The following ZSWIM6 variants were observed in gnomAD, a reference collection of about 807,000 sequenced individuals.
ZSWIM6 encodes zinc finger SWIM-type containing 6, also known as zinc finger SWIM domain-containing protein 6.
ZSWIM6 carries 9 observed loss-of-function variants against 113.2 expected under a neutral mutation model. That is an observed-to-expected ratio of 0.08 (90% CI 0.05 to 0.14). The LOEUF (loss-of-function observed/expected upper bound fraction) is 0.14. ZSWIM6 is among the 10% of genes least tolerant of loss of function. The pLI, the probability that ZSWIM6 is intolerant of heterozygous loss-of-function variation, is 1.00. For synonymous variants in ZSWIM6, 611 were observed against 606.5 expected, an observed-to-expected ratio of 1.01 and a Z score of -0.11; for missense variants, 1,162 against 1,552.2, an observed-to-expected ratio of 0.75 and a Z score of 4.22.
At chr5:61,504,625 A>C (rs1748552259) in intron 4 of ZSWIM6, among the ~76,000 whole-genome samples, 2 of 152,228 alleles carry the variant, frequency 1.3e-5, no homozygotes, top group Admixed American at 6.5e-5. Context: ...TTCTTACACA[A>C]GTATAGTGCT....
chr5:61,335,667 T>C (rs1427197115), intron 1 of ZSWIM6, among the ~76,000 whole-genome samples: 3 of 152,250 alleles, frequency 2.0e-5, no homozygotes, highest in African/African-American at 7.2e-5. Context: ...ATTACAAGTG[T>C]ACAGAAAGTA....
chr5:61,543,624 G>T lies in ZSWIM6; in HGVS notation c.2955G>T (p.Leu985=). 1 of 1,551,770 alleles carries T rather than the reference G, an allele frequency of 6.4e-7. No homozygotes were observed. The highest frequency in any genetic ancestry group is 8.7e-7 in the Non-Finnish European group (1 of 1,147,020). ...KLASSARTLA[L]QCAMKDPQNC... ...CCAGCAGCGCCCGGACACTTGCACT[G>T]CAGTGTGCCATGAAGGATCCACAGA... The change falls in exon 14 of 14, where the codon CTG becomes CTT. Residue 985 remains leucine, a synonymous_variant. Coordinates refer to ENST00000252744, the MANE Select transcript of ZSWIM6 (RefSeq NM_020928.2). This position sits in a 1 kb window ranked among gnomAD's most constrained non-coding sequence, Gnocchi z 4.3.
chr5:61,468,026 G>A (rs1016604025), intron 1 of ZSWIM6, among the ~76,000 whole-genome samples: 2 of 152,020 alleles, frequency 1.3e-5, no homozygotes, highest in Non-Finnish European at 2.9e-5. Flanking sequence ...GGAAGGAAAG[G>A]GAAATAAAAT....
rs534037657 is a variant in ZSWIM6 at position 61,535,603 on chromosome 5, G to A, written c.2365G>A (p.Ala789Thr). 2.6e-6 allele frequency: 4 copies of A among 1,551,196 alleles called. No individual in the cohort carries two copies. In the Admixed American group the frequency reaches 5.9e-5, roughly 23 times the overall value. The change falls in exon 10 of 14, where the codon GCA becomes ACA. Residue 789 changes from alanine to threonine, a missense_variant. This residue lies in a region of ZSWIM6 where 620 missense variants were observed against 804.6 expected (regional missense o/e 0.77). Coordinates refer to ENST00000252744, the MANE Select transcript of ZSWIM6 (RefSeq NM_020928.2). ...CGATGCTGAATTGGCATACAAAATT[G>A]CACTGAGAGCAATGCGGTATGTATT... ...PHDAELAYKI[A>T]LRAMRLLVLE...
intron 1 of ZSWIM6, among the ~76,000 whole-genome samples, chr5:61,351,340 A>G (rs1475586775): frequency 1.3e-5 from 2 of 152,206 alleles, no homozygotes. Context: ...CTCATCACTT[A>G]GGGTTTAGTT....
intron 1 of ZSWIM6, among the ~76,000 whole-genome samples, chr5:61,395,499 A>G (rs1745818564): frequency 6.6e-6 from 1 of 152,232 alleles, no homozygotes; most frequent in Non-Finnish European, 1.5e-5. Context: ...GCAATATCAG[A>G]GTTAAGATAA....
rs184109772 is a variant in ZSWIM6 at position 61,541,242 on chromosome 5, C to T, written c.2704-642C>T. Among the ~76,000 whole-genome samples, 34 of 152,040 alleles carry T rather than the reference C, an allele frequency of 2.2e-4. 1 individual carries two copies. Among genetic ancestry groups the T allele is most frequent in the African/African-American group, 8.0e-4 (33 of 41,464 alleles). On this transcript the variant is annotated intron_variant, in intron 12 of 13. Transcript: ENST00000252744. ...ACAGGCATGAGCCACCGCACCTGAC[C>T]GTCCCTGGATATTTTGAATCTTTAA...
intron 7 of ZSWIM6, among the ~76,000 whole-genome samples, chr5:61,527,958 T>C (rs930160383): frequency 2.0e-5 from 3 of 152,166 alleles, no homozygotes; most frequent in Non-Finnish European, 2.9e-5. Flanking sequence ...TTGATTGTCT[T>C]TGAGATAATT....
intron 3 of ZSWIM6, among the ~76,000 whole-genome samples, chr5:61,493,845 T>C (rs1748249096): frequency 6.6e-6 from 1 of 152,086 alleles, no homozygotes; most frequent in Non-Finnish European, 1.5e-5. Context: ...TTGGTTTAGA[T>C]AAGAGAGATA....
rs2112134928 is a variant in ZSWIM6 at position 61,430,991 on chromosome 5, T to A, written c.677-41690T>A. Among the ~76,000 whole-genome samples, 3 of 152,330 alleles carry A rather than the reference T, an allele frequency of 2.0e-5. No individual in the cohort carries two copies. In the South Asian group the frequency reaches 6.2e-4, roughly 32 times the overall value. On this transcript the variant is annotated intron_variant, in intron 1 of 13. Transcript: ENST00000252744. ...AGACAGTATTAAATAGGGAGTATAC[T>A]CTATACAGTCATTACTGGTGTTGGG...
rs1005564444 is a variant in ZSWIM6, at chr5:61,344,948, A to G, written c.676+12000A>G. Among the ~76,000 whole-genome samples the G allele has an allele frequency of 1.1e-4, 16 of 152,252 alleles. 1 individual carries two copies. Among genetic ancestry groups the G allele is most frequent in the Admixed American group, 5.9e-4 (9 of 15,282 alleles). Reference sequence around the variant, plus strand: ...AAGTGATTGATCTTTAATAGTAGCCATACATAAATCTTGGAATATGTAATG... The same window carrying G: ...AAGTGATTGATCTTTAATAGTAGCCGTACATAAATCTTGGAATATGTAATG... On this transcript the variant is annotated intron_variant, in intron 1 of 13. Transcript: ENST00000252744.
At chr5:61,535,184 A>C (rs941156485) in intron 9 of ZSWIM6, among the ~76,000 whole-genome samples, 3 of 152,162 alleles carry the variant, frequency 2.0e-5, no homozygotes, top group Non-Finnish European at 1.5e-5. Flanking sequence ...GCAAGGTTTT[A>C]CGCTATAGAG....
At position 61,538,900 on chromosome 5, in the gene ZSWIM6, G is replaced by A. The variant is rs1022740420; in HGVS notation, c.2468G>A (p.Arg823His). Residue 823 changes from arginine to histidine, a missense_variant, in exon 11 of 14, where the codon CGC (arginine) becomes CAC (histidine). Coordinates refer to ENST00000252744, the MANE Select transcript of ZSWIM6 (RefSeq NM_020928.2). ...TCAGTTGTTCCCAACCGCTACCCTC[G>A]CTGGTTCACTCTAAGCCACATTGAG... ...IASVVPNRYP[R>H]WFTLSHIESQ... is the part of the protein sequence containing the mutation. 9.0e-6 allele frequency: 14 copies of A among 1,552,198 alleles called. No individual in the cohort carries two copies. In the African/African-American group the frequency reaches 1.1e-4, roughly 12 times the overall value.
At chr5:61,399,999 G>C (rs758563443) in intron 1 of ZSWIM6, among the ~76,000 whole-genome samples, 1 of 152,128 alleles carries the variant, frequency 6.6e-6, no homozygotes, top group Non-Finnish European at 1.5e-5. Flanking sequence ...CACAGGGTTG[G>C]AAGTAGCTTT....
chr5:61,516,992 C>T (rs911696641), intron 4 of ZSWIM6, among the ~76,000 whole-genome samples: 1 of 152,010 alleles, frequency 6.6e-6, no homozygotes, highest in African/African-American at 2.4e-5. Flanking sequence ...TATTCTGTTT[C>T]CTGATGAGAA....
At chr5:61,496,745 C>T (rs935136131) in intron 4 of ZSWIM6, among the ~76,000 whole-genome samples, 13 of 152,190 alleles carry the variant, frequency 8.5e-5, no homozygotes, top group African/African-American at 2.6e-4. Flanking sequence ...ACTCCAACAC[C>T]GCGCCATTAC....
At chr5:61,335,204 G>A (rs1744367926) in intron 1 of ZSWIM6, among the ~76,000 whole-genome samples, 1 of 152,236 alleles carries the variant, frequency 6.6e-6, no homozygotes, top group Non-Finnish European at 1.5e-5. Flanking sequence ...TGGTTGACGT[G>A]AAGTGGTGTG....
chr5:61,390,981 C>G lies in ZSWIM6; in HGVS notation c.676+58033C>G, dbSNP rs1247928165. The G allele has an allele frequency of 2.4e-5, 18 of 756,156 alleles. No homozygotes were observed. In the Admixed American group the frequency reaches 2.9e-4, roughly 12 times the overall value. 46.8% of individuals were successfully genotyped at this position (756,156 alleles called of 1,614,324 possible). A position where few individuals can be genotyped will look rare whatever the true frequency, so the allele number is the denominator to read the frequency against. On this transcript the variant is annotated intron_variant, in intron 1 of 13. Transcript: ENST00000252744. Reference sequence around the variant, plus strand: ...AGTCAGTGGAGGCATTGTTCTTGATCAGTTTGCTGTCCCTGACAAAGTATC... The same window carrying G: ...AGTCAGTGGAGGCATTGTTCTTGATGAGTTTGCTGTCCCTGACAAAGTATC...
chr5:61,535,126 C>T (rs1402286557), intron 9 of ZSWIM6, among the ~76,000 whole-genome samples: 4 of 152,264 alleles, frequency 2.6e-5, no homozygotes, highest in African/African-American at 9.6e-5. Context: ...ATTTACAAAT[C>T]AAGATGCTCT....
Sources: gnomAD v4.1 joint callset for allele counts (sites outside exome capture counted in the v4.1 genomes callset) on GRCh38, gnomAD v4.1.1 for gene constraint, gnomAD v4.1.1 regional missense constraint, Gnocchi (gnomAD v3.1) non-coding constraint, MANE v1.5 for transcripts, NCBI Gene and HGNC (gene_info 2026-07-23, HGNC 2026-07-21) for gene names.